Variants in PDE4B observed in about 807,000 individuals in gnomAD.
The protein encoded by PDE4B is 3',5'-cyclic-AMP phosphodiesterase 4B.
A neutral mutation model predicts 82.2 loss-of-function variants in PDE4B; 20 were observed. That is an observed-to-expected ratio of 0.24 (90% CI 0.17 to 0.35). The LOEUF is 0.35. Ranked by LOEUF, PDE4B falls within the 10% of genes least tolerant of loss-of-function variation. PDE4B has a pLI of 1.00. For missense variants in PDE4B, 655 were observed against 907.2 expected, an observed-to-expected ratio of 0.72 and a Z score of 3.57; for synonymous variants, 320 against 318.9, an observed-to-expected ratio of 1.00 and a Z score of -0.04.
chr1:66,106,334 G>T (rs955346315), intron 3 of PDE4B, among the ~76,000 whole-genome samples: 24 of 151,934 alleles, frequency 1.6e-4, no homozygotes, highest in African/African-American at 5.3e-4. Context: ...GCTGGATTTG[G>T]TTTGCCAGTA....
chr1:66,073,288 C>G (rs1656255589), intron 3 of PDE4B, among the ~76,000 whole-genome samples: 1 of 152,114 alleles, frequency 6.6e-6, no homozygotes, highest in Non-Finnish European at 1.5e-5. Context: ...TGATTTGAGG[C>G]TTTACCACAA....
rs561228494 is a variant in PDE4B at position 66,258,651 on chromosome 1, G to C, written c.584+788G>C. Among the ~76,000 whole-genome samples the C allele has an allele frequency of 3.3e-5, 5 of 152,222 alleles. No individual in the cohort carries two copies. The South Asian group carries it at 1.0e-3, about 32-fold the overall frequency. The stretch of plus-strand genomic sequence containing the variant: ...TAAGCTCTCAAGAATCCAGTGACTT[G>C]CTAACAACCCCCTCCCCCCGCATAA... On this transcript the variant is annotated intron_variant, in intron 6 of 16. Transcript: ENST00000341517.
rs546234424 is a variant in PDE4B at position 65,873,947 on chromosome 1, T to A, written c.-70-39298T>A. Among the ~76,000 whole-genome samples the A allele has an allele frequency of 6.8e-3, 1,030 of 151,652 alleles. 37 individuals are homozygous for A. The highest frequency in any genetic ancestry group is 0.024 in the African/African-American group (971 of 41,052). On this transcript the variant is annotated intron_variant, in intron 1 of 16. Coordinates refer to ENST00000341517, the MANE Select transcript of PDE4B (RefSeq NM_002600.4). ...ACTTTAAAGTAGTTTTTTCCAATTC[T>A]GTGAAGAAAGTCATTGGTAGCTTGA...
chr1:65,853,820 G>A (rs554936438), intron 1 of PDE4B, among the ~76,000 whole-genome samples: 199 of 152,232 alleles, frequency 1.3e-3, no homozygotes, highest in Non-Finnish European at 2.1e-3. Flanking sequence ...GAGCCACCGC[G>A]CCTGGCTGAT....
At chr1:66,272,962 T>C (rs1655617546) in intron 7 of PDE4B, among the ~76,000 whole-genome samples, 2 of 151,766 alleles carry the variant, frequency 1.3e-5, no homozygotes, top group African/African-American at 4.8e-5. Context: ...AGCTAATTTT[T>C]TGTATTTTTA....
chr1:65,975,199 C>G (rs1650343996), intron 3 of PDE4B, among the ~76,000 whole-genome samples: 1 of 152,206 alleles, frequency 6.6e-6, no homozygotes, highest in Non-Finnish European at 1.5e-5. Flanking sequence ...GTAAAGTTGA[C>G]TCTTGCTATG....
chr1:66,234,745 C>T (rs930217812), intron 3 of PDE4B, among the ~76,000 whole-genome samples: 2 of 151,922 alleles, frequency 1.3e-5, no homozygotes, highest in Admixed American at 6.6e-5. Flanking sequence ...TTACTCAAAA[C>T]CTGTTTTGGC....
intron 3 of PDE4B, among the ~76,000 whole-genome samples, chr1:66,080,805 G>A (rs555749347): frequency 6.6e-6 from 1 of 152,132 alleles, no homozygotes; most frequent in Non-Finnish European, 1.5e-5. Flanking sequence ...TGTCACAGAG[G>A]TATATTGTAT....
chr1:66,186,999 A>T (rs1293392070), intron 3 of PDE4B, among the ~76,000 whole-genome samples: 1 of 152,116 alleles, frequency 6.6e-6, no homozygotes, highest in Non-Finnish European at 1.5e-5. Flanking sequence ...TTATTTTGAG[A>T]TATGTCCCAT....
chr1:66,202,448 GT>G (rs1460760029), intron 3 of PDE4B, among the ~76,000 whole-genome samples: 1 of 152,186 alleles, frequency 6.6e-6, no homozygotes, highest in Admixed American at 6.5e-5. Flanking sequence ...ACAGTGGGGT[GT>G]TAAAGTCTTC....
chr1:66,332,071 C>A, intron 7 of PDE4B: 2 of 1,111,074 alleles, frequency 1.8e-6, no homozygotes, highest in Non-Finnish European at 2.2e-6. Flanking sequence ...AAGCTTTCCT[C>A]ATTTCTCCTT....
rs1376821591 is a variant in PDE4B, at chr1:66,098,904, AT to A, written c.282-148555del. 1.7e-4 allele frequency among the ~76,000 whole-genome samples: 26 copies of A among 152,264 alleles called. No individual in the cohort carries two copies. The East Asian group carries it at 5.0e-3, about 29-fold the overall frequency. On this transcript the variant is annotated intron_variant, in intron 3 of 16. Transcript: ENST00000341517. ...CTTCTGGTAACACATGCACACACAA[AT>A]ATAGATACAGTGAGAATTGAATTAC...
At chr1:66,093,746 A>G (rs1645066204) in intron 3 of PDE4B, among the ~76,000 whole-genome samples, 1 of 152,088 alleles carries the variant, frequency 6.6e-6, no homozygotes, top group Non-Finnish European at 1.5e-5. Flanking sequence ...TATCTTTAAA[A>G]TCACATGCTT....
At chr1:66,260,162 T>A (rs1654579486) in intron 6 of PDE4B, among the ~76,000 whole-genome samples, 1 of 152,204 alleles carries the variant, frequency 6.6e-6, no homozygotes. Context: ...ATATTCATGG[T>A]ATTGAACAAA....
At chr1:65,813,893 C>CAAAA (rs5774766) in intron 1 of PDE4B, among the ~76,000 whole-genome samples, 56 of 103,390 alleles carry the variant, frequency 5.4e-4, no homozygotes, top group Non-Finnish European at 6.5e-4. Flanking sequence ...GGCACTGCGG[C>CAAAA]AAAAAAAAAA....
rs112942266 is a variant in PDE4B at position 66,030,494 on chromosome 1, T to C, written c.281+111659T>C. ...CCATCTGTTCTGGGGCTTCTTTTGG[T>C]TGGTAGTTTTTGTAGTTTTTTAAAT... is the stretch of plus-strand genomic sequence containing the variant. On this transcript the variant is annotated intron_variant, in intron 3 of 16. Coordinates refer to ENST00000341517, the MANE Select transcript of PDE4B (RefSeq NM_002600.4). 9.9e-3 allele frequency among the ~76,000 whole-genome samples: 1,504 copies of C among 152,266 alleles called. 26 individuals carry two copies. Among genetic ancestry groups the C allele is most frequent in the African/African-American group, 0.034 (1,425 of 41,544 alleles).
chr1:66,052,555 G>T (rs1349070018), intron 3 of PDE4B, among the ~76,000 whole-genome samples: 2 of 139,432 alleles, frequency 1.4e-5, no homozygotes, highest in Non-Finnish European at 3.1e-5. Flanking sequence ...CAGGGACCGA[G>T]TTTTTTTTTT....
At chr1:65,811,200 G>C (rs1048969774) in intron 1 of PDE4B, among the ~76,000 whole-genome samples, 2 of 152,200 alleles carry the variant, frequency 1.3e-5, no homozygotes, top group African/African-American at 4.8e-5. Flanking sequence ...ATATCATTAT[G>C]ATCTCAGCTT....
chr1:65,944,515 G>A (rs1648604008), intron 3 of PDE4B, among the ~76,000 whole-genome samples: 3 of 151,838 alleles, frequency 2.0e-5, no homozygotes, highest in Non-Finnish European at 4.4e-5. Context: ...ATAGAAATGT[G>A]GACTTATAAG....
Sources: gnomAD v4.1 joint callset for allele counts (sites outside exome capture counted in the v4.1 genomes callset) on GRCh38, gnomAD v4.1.1 for gene constraint, MANE v1.5 for transcripts, NCBI Gene and HGNC (gene_info 2026-07-23, HGNC 2026-07-21) for gene names.